ARHGAP28: variants seen among roughly 807,000 people sequenced by gnomAD.
ARHGAP28 encodes the protein Rho GTPase activating protein 28, also known as rho GTPase-activating protein 28.
In ARHGAP28, 56 loss-of-function variants were observed where a neutral mutation model predicts 90.7. The ratio of observed to expected loss-of-function variants is 0.62; its 90% CI spans 0.50 to 0.77. The LOEUF (loss-of-function observed/expected upper bound fraction) is 0.77, where lower values mean the gene tolerates loss of function less well. Ranked by LOEUF, ARHGAP28 falls within the 30% of genes least tolerant of loss-of-function variation. The pLI is 0.00. For synonymous variants in ARHGAP28, 308 were observed against 323.3 expected (o/e 0.95, Z 0.51); for missense variants, 869 against 900.9 (o/e 0.96, Z 0.45).
intron 1 of ARHGAP28, among the ~76,000 whole-genome samples, chr18:6,751,665 T>TA (rs1360754973): frequency 2.6e-5 from 4 of 152,226 alleles, no homozygotes; most frequent in Non-Finnish European, 5.9e-5. Flanking sequence ...TGTGGGCACA[T>TA]ACAAACTGGT....
intron 3 of ARHGAP28, among the ~76,000 whole-genome samples, chr18:6,847,627 G>GT (rs1374905940): frequency 6.4e-4 from 51 of 79,842 alleles, no homozygotes; most frequent in East Asian, 5.3e-3. Flanking sequence ...GAGAGAGAGT[G>GT]GGGGTGTGTG....
At chr18:6,860,627 G>A (rs1425593505) in intron 5 of ARHGAP28, among the ~76,000 whole-genome samples, 2 of 152,196 alleles carry the variant, frequency 1.3e-5, no homozygotes, top group African/African-American at 4.8e-5. Context: ...AGGTTCTGCT[G>A]GGGCAGTTTT....
At chr18:6,777,457 T>G (rs533254364) in intron 1 of ARHGAP28, among the ~76,000 whole-genome samples, 5 of 152,250 alleles carry the variant, frequency 3.3e-5, no homozygotes, top group African/African-American at 1.2e-4. Flanking sequence ...GCGTGGTGGC[T>G]CACACCTGCA....
intron 1 of ARHGAP28, among the ~76,000 whole-genome samples, chr18:6,742,327 C>T (rs781413033): frequency 2.0e-5 from 3 of 151,848 alleles, no homozygotes; most frequent in African/African-American, 4.8e-5. Context: ...CCACCATGCC[C>T]GGCTAACTTT....
chr18:6,875,662 G>A (rs2057125473), intron 9 of ARHGAP28, among the ~76,000 whole-genome samples: 1 of 152,178 alleles, frequency 6.6e-6, no homozygotes, highest in African/African-American at 2.4e-5. Flanking sequence ...TCACCATCCT[G>A]AGAACTCACG....
intron 5 of ARHGAP28, among the ~76,000 whole-genome samples, chr18:6,866,977 G>T (rs1195771347): frequency 6.6e-6 from 1 of 152,174 alleles, no homozygotes; most frequent in Non-Finnish European, 1.5e-5. Flanking sequence ...TCTCTTTAAG[G>T]ATTTGAGTGT....
At chr18:6,905,105 A>T (rs888193975) in intron 16 of ARHGAP28, among the ~76,000 whole-genome samples, 1 of 150,674 alleles carries the variant, frequency 6.6e-6, no homozygotes, top group Admixed American at 6.6e-5. Context: ...AAAAAGCCAT[A>T]AAAAAAAACA....
At chr18:6,745,456 TA>T (rs1381499278) in intron 1 of ARHGAP28, among the ~76,000 whole-genome samples, 2 of 152,128 alleles carry the variant, frequency 1.3e-5, no homozygotes, top group Admixed American at 6.6e-5. Context: ...CACAAACAAA[TA>T]AAAATAAATG....
chr18:6,780,947 T>C (rs1205379902), intron 1 of ARHGAP28, among the ~76,000 whole-genome samples: 1 of 151,668 alleles, frequency 6.6e-6, no homozygotes, highest in Non-Finnish European at 1.5e-5. Flanking sequence ...AATTTCACAG[T>C]CACAGAATGT....
chr18:6,769,183 C>T (rs2056223388), intron 1 of ARHGAP28, among the ~76,000 whole-genome samples: 2 of 151,872 alleles, frequency 1.3e-5, no homozygotes. Context: ...TGATATTAGA[C>T]ACAGGACCAT....
rs11403300 is a variant in ARHGAP28 at position 6,858,549 on chromosome 18, C to CTT, written c.637-1249_637-1248dup. Among the ~76,000 whole-genome samples the CTT allele has an allele frequency of 3.3e-3, 496 of 148,202 alleles. 8 individuals carry two copies. Among genetic ancestry groups the CTT allele is most frequent in the African/African-American group, 0.011 (447 of 40,456 alleles). On this transcript the variant is annotated intron_variant, in intron 4 of 17. Coordinates refer to ENST00000383472, the MANE Select transcript of ARHGAP28 (RefSeq NM_001366230.1). ...TCACCATCTTGACTTAAATTTCTTT[C>CTT]TTTTTTTTTTTGAGACAGAGTTTTG... is the stretch of plus-strand genomic sequence containing the variant.
intron 1 of ARHGAP28, among the ~76,000 whole-genome samples, chr18:6,780,197 A>G (rs2056313250): frequency 6.6e-6 from 1 of 152,238 alleles, no homozygotes; most frequent in South Asian, 2.1e-4. Context: ...CTGCTTCTGG[A>G]TAGAATTGGA....
chr18:6,764,388 C>G (rs182344176), intron 1 of ARHGAP28, among the ~76,000 whole-genome samples: 31 of 152,120 alleles, frequency 2.0e-4, no homozygotes, highest in African/African-American at 6.5e-4. Flanking sequence ...TTGGCATTAT[C>G]GAGGTTTCAG....
At chr18:6,907,394 G>GAAAAAAAA (rs201812761) in intron 16 of ARHGAP28, among the ~76,000 whole-genome samples, 2 of 136,850 alleles carry the variant, frequency 1.5e-5, no homozygotes, top group Non-Finnish European at 1.6e-5. Context: ...TCAAAAACTG[G>GAAAAAAAA]AAAAAAAAAA....
chr18:6,803,615 C>T (rs1360113640), intron 1 of ARHGAP28, among the ~76,000 whole-genome samples: 1 of 151,952 alleles, frequency 6.6e-6, no homozygotes, highest in African/African-American at 2.4e-5. Context: ...TGAGTGTTCC[C>T]TCCCCTTCAA....
At position 6,729,901 on chromosome 18, in the gene ARHGAP28, C is replaced by G; in HGVS notation, c.80C>G (p.Ser27Trp). Residue 27 changes from serine to tryptophan, a missense_variant, in exon 1 of 18, where the codon TCG becomes TGG. Transcript: ENST00000383472. ...YARAQPPNAE[S>W]RCAPRAAASH... ...CGCGCCCAGCCCCCCAACGCCGAGT[C>G]GCGCTGCGCGCCCCGCGCCGCAGCC... The G allele has an allele frequency of 1.4e-6, 2 of 1,420,982 alleles. No homozygotes were observed. The highest frequency in any genetic ancestry group is 1.8e-6 in the Non-Finnish European group (2 of 1,089,986). The allele number at this position is 1,420,982 out of a possible 1,614,324, so 88.0% of individuals were successfully genotyped here.
chr18:6,776,049 A>G (rs1180587814), intron 1 of ARHGAP28, among the ~76,000 whole-genome samples: 1 of 152,218 alleles, frequency 6.6e-6, no homozygotes, highest in Non-Finnish European at 1.5e-5. Context: ...ACTTTTACAG[A>G]TAAAGGAACC....
In ARHGAP28 at chr18:6,837,344, A is replaced by C. The variant is rs886859637; in HGVS notation, c.473A>C (p.Gln158Pro). Residue 158 changes from glutamine (Q) to proline (P), a missense_variant, in exon 3 of 18, where the codon CAA (glutamine) becomes CCA (proline). Gln to Pro is a moderately conservative substitution (Grantham distance 76). Transcript: ENST00000383472. ...CAAAAGAGATACCATACCTATACCC[A>C]AACCATGAGGAAAAAGGATAAGCAA... ...AVQKRYHTYT[Q>P]TMRKKDKQSI... 1 of 1,613,792 alleles carries C rather than the reference A, an allele frequency of 6.2e-7. No individual in the cohort carries two copies. Among genetic ancestry groups the C allele is most frequent in the African/African-American group, 1.3e-5 (1 of 74,848 alleles).
chr18:6,764,098 C>T (rs1365256787), intron 1 of ARHGAP28, among the ~76,000 whole-genome samples: 2 of 151,958 alleles, frequency 1.3e-5, no homozygotes, highest in South Asian at 2.1e-4. Flanking sequence ...AAGGAGTCCT[C>T]GTAGACATGA....
Sources: allele counts gnomAD v4.1 joint callset (sites outside exome capture counted in the v4.1 genomes callset), GRCh38; gene constraint gnomAD v4.1.1; transcripts MANE v1.5; gene names NCBI Gene and HGNC (gene_info 2026-07-23, HGNC 2026-07-21).